The following GULP1 variants were observed in gnomAD, a reference collection of about 807,000 sequenced individuals.
GULP1 encodes GULP PTB domain containing engulfment adaptor 1.
GULP1 carries 19 observed loss-of-function variants against 40.9 expected under a neutral mutation model. That is an observed-to-expected ratio of 0.46 (90% CI 0.32 to 0.68). GULP1 has a LOEUF of 0.68. GULP1 is among the 30% of genes least tolerant of loss of function. The pLI, the probability that GULP1 is intolerant of heterozygous loss-of-function variation, is 0.03. For synonymous variants in GULP1, 119 were observed against 117.6 expected, an observed-to-expected ratio of 1.01 and a Z score of -0.08; for missense variants, 312 against 362.2, an observed-to-expected ratio of 0.86 and a Z score of 1.12.
intron 2 of GULP1, among the ~76,000 whole-genome samples, chr2:188,431,355 GA>G (rs957993957): frequency 1.7e-4 from 25 of 151,244 alleles, no homozygotes; most frequent in South Asian, 2.1e-4. Flanking sequence ...GTGTGTGAAA[GA>G]AAAAAAAATG....
At chr2:188,438,436 A>G (rs1183712185) in intron 2 of GULP1, among the ~76,000 whole-genome samples, 1 of 150,686 alleles carries the variant, frequency 6.6e-6, no homozygotes, top group Non-Finnish European at 1.5e-5. Context: ...CAAATACATA[A>G]TATATGACTA....
At chr2:188,322,335 T>C (rs759128189) in intron 1 of GULP1, among the ~76,000 whole-genome samples, 19 of 152,050 alleles carry the variant, frequency 1.2e-4, no homozygotes, top group Non-Finnish European at 2.4e-4. Flanking sequence ...GAGGTTGGCA[T>C]TGGCTGCTAG....
intron 1 of GULP1, among the ~76,000 whole-genome samples, chr2:188,328,968 A>G (rs1426680407): frequency 6.6e-6 from 1 of 152,202 alleles, no homozygotes; most frequent in Non-Finnish European, 1.5e-5. Flanking sequence ...ATCATGAATC[A>G]ACTCATAAAT....
chr2:188,589,807 A>C, intron 11 of GULP1: 2 of 920,320 alleles, frequency 2.2e-6, no homozygotes, highest in Non-Finnish European at 3.1e-6. Context: ...TAAAGCTGAA[A>C]CCTTAAAATT....
At chr2:188,425,885 C>T (rs150868180) in intron 2 of GULP1, among the ~76,000 whole-genome samples, 2 of 151,954 alleles carry the variant, frequency 1.3e-5, no homozygotes, top group South Asian at 4.1e-4. Context: ...TATCTAGGAT[C>T]GTATTTTCAT....
Position 188,485,003 on chromosome 2 carries a change from T to A in GULP1, c.90+1511T>A, listed in dbSNP as rs2061742079. ...TTATCCATCATTTCCACAGATATTG[T>A]TTGTATTAGCTATTGGTATACTATA... is the stretch of plus-strand genomic sequence containing the variant. On this transcript the variant is annotated intron_variant, in intron 4 of 11. Coordinates refer to ENST00000409830, the MANE Select transcript of GULP1 (RefSeq NM_016315.4). Among the ~76,000 whole-genome samples, 3 of 152,084 alleles carry A rather than the reference T, an allele frequency of 2.0e-5. No homozygotes were observed. In the South Asian group the frequency reaches 6.2e-4, roughly 32 times the overall value.
At chr2:188,518,134 T>C (rs1040099804) in intron 4 of GULP1, among the ~76,000 whole-genome samples, 3 of 152,124 alleles carry the variant, frequency 2.0e-5, no homozygotes, top group African/African-American at 7.2e-5. Context: ...GTCCCTGGAA[T>C]GTAAGCATTT....
At chr2:188,466,251 ACTTTGTGGTTTTTATTTGAC>A (rs2060103802) in intron 2 of GULP1, among the ~76,000 whole-genome samples, 1 of 151,326 alleles carries the variant, frequency 6.6e-6, no homozygotes, top group Non-Finnish European at 1.5e-5. Context: ...AGAAGGGCAC[ACTTTGTGGTTTTTATTTGAC>A]CTCAGTGGCT....
intron 1 of GULP1, among the ~76,000 whole-genome samples, chr2:188,317,689 G>A (rs919700722): frequency 2.0e-5 from 3 of 151,822 alleles, no homozygotes; most frequent in Non-Finnish European, 2.9e-5. Context: ...AGTTGGGGAG[G>A]ACATAGATTT....
At chr2:188,317,999 A>G (rs956951465) in intron 1 of GULP1, among the ~76,000 whole-genome samples, 4 of 152,064 alleles carry the variant, frequency 2.6e-5, no homozygotes, top group Admixed American at 6.6e-5. Flanking sequence ...TCACTTGGCT[A>G]TTTATTGTAA....
intron 1 of GULP1, among the ~76,000 whole-genome samples, chr2:188,341,736 T>C (rs544036157): frequency 5.9e-5 from 9 of 152,230 alleles, no homozygotes; most frequent in Non-Finnish European, 7.3e-5. Context: ...ATTATCACAT[T>C]TCTTTCTCAA....
At chr2:188,590,429 T>C (rs1462908325) in intron 11 of GULP1, 1 of 152,222 alleles carries the variant, frequency 6.6e-6, no homozygotes, top group African/African-American at 2.4e-5. Context: ...GCATATCATA[T>C]AAAAACTTAA....
In GULP1 at chr2:188,503,611, G is replaced by A. The variant is rs143799243; in HGVS notation, c.91-19145G>A. Among the ~76,000 whole-genome samples, 954 of 151,876 alleles carry A rather than the reference G, an allele frequency of 6.3e-3. 12 individuals are homozygous for A. The highest frequency in any genetic ancestry group is 0.022 in the African/African-American group (908 of 41,478). On this transcript the variant is annotated intron_variant, in intron 4 of 11. Coordinates refer to ENST00000409830, the MANE Select transcript of GULP1 (RefSeq NM_016315.4). Reference sequence around the variant, plus strand: ...ACAGAACCAAACCATATTAGTTAGCGTATTTTATGTGTTGCCCAAGTCAAT... The same window carrying A: ...ACAGAACCAAACCATATTAGTTAGCATATTTTATGTGTTGCCCAAGTCAAT...
intron 7 of GULP1, among the ~76,000 whole-genome samples, chr2:188,565,907 G>C (rs574853729): frequency 6.6e-6 from 1 of 152,110 alleles, no homozygotes; most frequent in African/African-American, 2.4e-5. Flanking sequence ...TAATTTAGTA[G>C]AAGAATACAG....
intron 1 of GULP1, among the ~76,000 whole-genome samples, chr2:188,321,745 G>A (rs2040012510): frequency 6.6e-6 from 1 of 151,882 alleles, no homozygotes; most frequent in African/African-American, 2.4e-5. Context: ...AGCCAAGCAT[G>A]GTGGCTCACA....
At chr2:188,406,400 G>A (rs957786964) in intron 2 of GULP1, among the ~76,000 whole-genome samples, 35 of 152,092 alleles carry the variant, frequency 2.3e-4, no homozygotes, top group African/African-American at 5.3e-4. Flanking sequence ...ATTTTGATAT[G>A]CAACACATGA....
At chr2:188,545,792 A>T (rs1284716405) in intron 7 of GULP1, among the ~76,000 whole-genome samples, 1 of 151,980 alleles carries the variant, frequency 6.6e-6, no homozygotes, top group African/African-American at 2.4e-5. Flanking sequence ...GTTAAGGTGG[A>T]TTACAAAACA....
At position 188,402,784 on chromosome 2, in the gene GULP1, G is replaced by T. The variant is rs555268766; in HGVS notation, c.-45+18895G>T. ...TGAGTGAGTTTTGAAATCTGCCCTA[G>T]GATTTTTAACAGTAATAATAATAAT... On this transcript the variant is annotated intron_variant, in intron 2 of 11. Transcript: ENST00000409830. Among the ~76,000 whole-genome samples the T allele has an allele frequency of 2.6e-5, 4 of 151,908 alleles. No homozygotes were observed. In the South Asian group the frequency reaches 8.3e-4, roughly 32 times the overall value.
intron 2 of GULP1, among the ~76,000 whole-genome samples, chr2:188,473,236 C>T (rs2060739399): frequency 6.6e-6 from 1 of 152,078 alleles, no homozygotes; most frequent in Non-Finnish European, 1.5e-5. Context: ...AGACCTGAAG[C>T]CAGAACAGCA....
Sources: allele counts gnomAD v4.1 joint callset (sites outside exome capture counted in the v4.1 genomes callset), GRCh38; gene constraint gnomAD v4.1.1; transcripts MANE v1.5; gene names NCBI Gene and HGNC (gene_info 2026-07-23, HGNC 2026-07-21).